GABRR1: variants seen among roughly 807,000 people sequenced by gnomAD.
The protein encoded by GABRR1 is gamma-aminobutyric acid type A receptor subunit rho1.
A neutral mutation model predicts 55.5 loss-of-function variants in GABRR1; 59 were observed. The observed-to-expected ratio is 1.06, with a 90% CI of 0.86 to 1.32. GABRR1 has a LOEUF of 1.32. Ranked by LOEUF, GABRR1 falls within the 40% of genes most tolerant of loss-of-function variation. The pLI, the probability that GABRR1 is intolerant of heterozygous loss-of-function variation, is 0.00. For synonymous variants in GABRR1, 213 were observed against 226.0 expected (o/e 0.94, Z 0.51); for missense variants, 602 against 619.1 (o/e 0.97, Z 0.29).
intron 5 of GABRR1, among the ~76,000 whole-genome samples, chr6:89,190,685 C>A (rs182108448): frequency 2.6e-5 from 4 of 152,130 alleles, no homozygotes; most frequent in African/African-American, 9.7e-5. Context: ...TGTACACTTA[C>A]CCCAGTTGCC....
intron 6 of GABRR1, 126 bp from the exon 7 acceptor site, chr6:89,185,576 A>G (rs1033196104): frequency 1.1e-5 from 9 of 792,502 alleles, no homozygotes; most frequent in African/African-American, 3.4e-5. Context: ...ATAGTTTGAA[A>G]AACAAACCAC....
At chr6:89,192,752 C>T (rs1300928898) in intron 5 of GABRR1, among the ~76,000 whole-genome samples, 1 of 151,720 alleles carries the variant, frequency 6.6e-6, no homozygotes, top group Non-Finnish European at 1.5e-5. Flanking sequence ...GTAGAGATGG[C>T]GTTTTGCCAT....
At chr6:89,206,856 G>A (rs1772664806) in intron 1 of GABRR1, among the ~76,000 whole-genome samples, 1 of 152,040 alleles carries the variant, frequency 6.6e-6, no homozygotes, top group African/African-American at 2.4e-5. Context: ...AGGTTCAAGG[G>A]ATCCTCCCGC....
chr6:89,226,021 A>G (rs1431907176), intron 1 of GABRR1, among the ~76,000 whole-genome samples: 3 of 151,526 alleles, frequency 2.0e-5, no homozygotes, highest in South Asian at 2.1e-4. Context: ...GCCAGTGATG[A>G]TGAGCATTTT....
In GABRR1 at chr6:89,192,238, C is replaced by A. The variant is rs924778579; in HGVS notation, c.573-1991G>T. 2.9e-4 allele frequency among the ~76,000 whole-genome samples: 44 copies of A among 152,212 alleles called. 1 individual carries two copies. Among genetic ancestry groups the A allele is most frequent in the African/African-American group, 1.0e-3 (43 of 41,526 alleles). On this transcript the variant is annotated intron_variant, in intron 5 of 9. Transcript: ENST00000454853. ...TTCTTTCCTGGCTTCCTCACTCCCACGACTGGGCGCCTCCACACTGCAGGT... is the reference window on the plus strand; with the variant it reads ...TTCTTTCCTGGCTTCCTCACTCCCAAGACTGGGCGCCTCCACACTGCAGGT...
upstream of GABRR1, chr6:89,221,598 C>T (rs1582411429): frequency 1.3e-5 from 2 of 151,992 alleles, no homozygotes; most frequent in South Asian, 2.1e-4. Flanking sequence ...CAAATACTAC[C>T]CCATTTTATG....
chr6:89,213,629 C>T (rs1267922083), intron 1 of GABRR1, among the ~76,000 whole-genome samples: 3 of 152,220 alleles, frequency 2.0e-5, no homozygotes, highest in Non-Finnish European at 2.9e-5. Context: ...TGGTGGCACA[C>T]TGTGCATTAA....
Position 89,198,263 on chromosome 6 carries a change from G to A in GABRR1, c.349-20C>T. Reference sequence around the variant, plus strand: ...AAAGTCCTGGGAGCAGAAGGGCAGAGAGGGAACCCCAGACACACACAAACC... The same window carrying A: ...AAAGTCCTGGGAGCAGAAGGGCAGAAAGGGAACCCCAGACACACACAAACC... On this transcript the variant is annotated intron_variant, in intron 4 of 9. Coordinates refer to ENST00000454853, the MANE Select transcript of GABRR1 (RefSeq NM_002042.5). The A allele has an allele frequency of 1.3e-6, 2 of 1,559,060 alleles. No homozygotes were observed. Among genetic ancestry groups the A allele is most frequent in the African/African-American group, 1.4e-5 (1 of 73,848 alleles).
At chr6:89,212,494 T>C (rs1304406451) in intron 1 of GABRR1, among the ~76,000 whole-genome samples, 1 of 152,158 alleles carries the variant, frequency 6.6e-6, no homozygotes, top group Non-Finnish European at 1.5e-5. Context: ...GTGAATTCTT[T>C]AGCACGACAA....
rs1392380012 is a variant in GABRR1, at chr6:89,225,562, A to G, written c.-410-4116T>C. 1.1e-4 allele frequency among the ~76,000 whole-genome samples: 14 copies of G among 131,898 alleles called. No individual in the cohort carries two copies. The South Asian group carries it at 1.8e-3, about 17-fold the overall frequency. The allele number at this position is 131,898 out of a possible 152,430, so 86.5% of individuals were successfully genotyped here. A position where few individuals can be genotyped will look rare whatever the true frequency, so the allele number is the denominator to read the frequency against. ...AGTTTACTGAGAATGATGATTTCCA[A>G]TTTCATCCATGTCCCTACAAAGGGC... On this transcript the variant is annotated intron_variant, in intron 1 of 11. Coordinates refer to the GABRR1 transcript ENST00000369451.
Position 89,198,244 on chromosome 6 carries a change from C to T in GABRR1, c.349-1G>A. 1 of 1,611,850 alleles carries T rather than the reference C, an allele frequency of 6.2e-7. No homozygotes were observed. The highest frequency in any genetic ancestry group is 8.5e-7 in the Non-Finnish European group (1 of 1,178,084). On this transcript the variant is annotated splice_acceptor_variant, in intron 4 of 9. Coordinates refer to ENST00000454853, the MANE Select transcript of GABRR1 (RefSeq NM_002042.5). LOFTEE classifies it high-confidence loss of function. ...TCAGGTAGAGGGTCATCGTAAAGTC[C>T]TGGGAGCAGAAGGGCAGAGAGGGAA...
At chr6:89,229,148 A>T (rs1476772071) in intron 1 of GABRR1, among the ~76,000 whole-genome samples, 4 of 152,028 alleles carry the variant, frequency 2.6e-5, no homozygotes, top group Non-Finnish European at 4.4e-5. Context: ...TTTTGAGCCT[A>T]TGTGTGTCTC....
intron 7 of GABRR1, among the ~76,000 whole-genome samples, chr6:89,183,891 T>C (rs1375901239): frequency 2.6e-5 from 4 of 151,980 alleles, no homozygotes; most frequent in Admixed American, 2.6e-4. Context: ...GAGTGAGGGA[T>C]GAAAAACTAC....
Position 89,178,958 on chromosome 6 carries a change from C to T in GABRR1, c.1252G>A (p.Glu418Lys). 1 of 1,614,178 alleles carries T rather than the reference C, an allele frequency of 6.2e-7. No homozygotes were observed. ...TGCACCATCATCCTGTCGGGCTTCT[C>T]TCCATTCTCTGGCATGTAGTTGTCC... ...DLDNYMPENG[E>K]KPDRMMVQLT... is the part of the protein sequence containing the mutation. Residue 418 changes from glutamate (E) to lysine (K), a missense_variant, in exon 10 of 10, where the codon GAG (glutamate) becomes AAG (lysine). Transcript: ENST00000454853.
At chr6:89,217,030 A>T (rs1773006551) in intron 1 of GABRR1, among the ~76,000 whole-genome samples, 171 bp downstream of exon 1, 1 of 152,234 alleles carries the variant, frequency 6.6e-6, no homozygotes, top group South Asian at 2.1e-4. Context: ...AGAAAACGTA[A>T]TTCTAACTTT....
chr6:89,185,441 G>A lies in GABRR1; in HGVS notation c.665C>T (p.Thr222Ile), dbSNP rs1771874226. 6.2e-7 allele frequency: 1 copy of A among 1,613,460 alleles called. No individual in the cohort carries two copies. Among genetic ancestry groups the A allele is most frequent in the Non-Finnish European group, 8.5e-7 (1 of 1,179,486 alleles). ...CCAGTACAGCATGAGGTCATCTTCTGTATAGGCATCTGAAAAGACAGGGGC... is the reference window on the plus strand; with the variant it reads ...CCAGTACAGCATGAGGTCATCTTCTATATAGGCATCTGAAAAGACAGGGGC... ...CSLEIESYAY[T>I]EDDLMLYWKK... The change falls in exon 7 of 10, where the codon ACA becomes ATA. Residue 222 changes from threonine (T) to isoleucine (I), a missense_variant. Thr to Ile is a moderately conservative substitution (Grantham distance 89). Around this residue, in one of 3 missense-constraint regions of GABRR1, gnomAD observed 435 missense variants for 424.2 expected, o/e 1.03. Transcript: ENST00000454853.
chr6:89,197,618 G>A (rs1159819376), intron 5 of GABRR1, among the ~76,000 whole-genome samples: 4 of 152,214 alleles, frequency 2.6e-5, no homozygotes, highest in Non-Finnish European at 4.4e-5. Context: ...CGGAGAGAAA[G>A]GAGAGAAAAC....
rs1771622906 is a variant in GABRR1 at position 89,178,905 on chromosome 6, G to A, written c.1305C>T (p.Ser435=). The stretch of plus-strand genomic sequence containing the variant: ...TGCTTCTCTGACTTTTCCTCTGTGG[G>A]GAGCTCCTCTCTGAGGCCAGGGTCA... ...VQLTLASERS[S]PQRKSQRSSY... Residue 435 remains serine (S), a synonymous_variant, in exon 10 of 10, where the codon TCC becomes TCT. Transcript: ENST00000454853. 1 of 1,614,152 alleles carries A rather than the reference G, an allele frequency of 6.2e-7. No individual in the cohort carries two copies. The highest frequency in any genetic ancestry group is 8.5e-7 in the Non-Finnish European group (1 of 1,180,024).
At chr6:89,210,182 A>ATTTTT (rs60158472) in intron 1 of GABRR1, among the ~76,000 whole-genome samples, 1 of 80,182 alleles carries the variant, frequency 1.2e-5, no homozygotes. Flanking sequence ...TTCTGCAGCA[A>ATTTTT]TTTTTTTTTT....
Sources: gnomAD v4.1 joint callset for allele counts (sites outside exome capture counted in the v4.1 genomes callset) on GRCh38, gnomAD v4.1.1 for gene constraint, gnomAD v4.1.1 regional missense constraint, MANE v1.5 for transcripts, NCBI Gene and HGNC (gene_info 2026-07-23, HGNC 2026-07-21) for gene names.